Variants in RASAL2 observed in about 807,000 individuals in gnomAD.
RASAL2 encodes ras GTPase-activating protein nGAP.
In RASAL2, 58 loss-of-function variants were observed where a neutral mutation model predicts 128.9. That is an observed-to-expected ratio of 0.45 (90% CI 0.36 to 0.56). The LOEUF (loss-of-function observed/expected upper bound fraction) is 0.56. RASAL2 is among the 20% of genes least tolerant of loss of function. RASAL2 has a pLI of 0.00. For missense variants in RASAL2, 1,360 were observed against 1,601.6 expected (o/e 0.85, Z 2.57); for synonymous variants, 561 against 580.8 (o/e 0.97, Z 0.49).
At position 178,473,301 on chromosome 1, in the gene RASAL2, T is replaced by A; in HGVS notation, c.*62T>A. 3.8e-6 allele frequency: 6 copies of A among 1,579,836 alleles called. No homozygotes were observed. The highest frequency in any genetic ancestry group is 5.2e-6 in the Non-Finnish European group (6 of 1,151,756). On this transcript the variant is annotated 3_prime_UTR_variant, in exon 18 of 18. Coordinates refer to ENST00000367649, the MANE Select transcript of RASAL2 (RefSeq NM_170692.4). ...ACCCACTCTCCTATCTCCAGACCTTTACCTAGCCCCTCCAGGTTTACAGAA... is the reference window on the plus strand; with the variant it reads ...ACCCACTCTCCTATCTCCAGACCTTAACCTAGCCCCTCCAGGTTTACAGAA...
intron 3 of RASAL2, among the ~76,000 whole-genome samples, chr1:178,355,899 G>A (rs976874682): frequency 1.3e-5 from 2 of 152,164 alleles, no homozygotes; most frequent in Admixed American, 6.5e-5. Context: ...GGCCAGGCGC[G>A]GTGGCTCACG....
At chr1:178,397,129 A>G (rs1673287719) in intron 4 of RASAL2, among the ~76,000 whole-genome samples, 1 of 152,200 alleles carries the variant, frequency 6.6e-6, no homozygotes, top group Non-Finnish European at 1.5e-5. Flanking sequence ...TTTTAGGAAT[A>G]TACACAAGAA....
At chr1:178,155,111 C>T (rs2101885015) in intron 1 of RASAL2, among the ~76,000 whole-genome samples, 1 of 152,262 alleles carries the variant, frequency 6.6e-6, no homozygotes, top group East Asian at 1.9e-4. Context: ...GCGTGAGCCA[C>T]CGCGCCTGGC....
At chr1:178,232,175 G>T (rs1200709253) in intron 1 of RASAL2, among the ~76,000 whole-genome samples, 1 of 152,120 alleles carries the variant, frequency 6.6e-6, no homozygotes, top group Non-Finnish European at 1.5e-5. Context: ...TCTGAAGTCT[G>T]TGAGGCTTTC....
At position 178,150,397 on chromosome 1, in the gene RASAL2, G is replaced by C. The variant is rs553764829; in HGVS notation, c.202+55703G>C. Among the ~76,000 whole-genome samples, 4 of 152,132 alleles carry C rather than the reference G, an allele frequency of 2.6e-5. No individual in the cohort carries two copies. The South Asian group carries it at 8.3e-4, about 32-fold the overall frequency. ...GACAGGGTTTTGCCATGTTGGGCAG[G>C]CTGGTCTCAAACTCCTGACCTCAGG... On this transcript the variant is annotated intron_variant, in intron 1 of 17. Transcript: ENST00000367649.
chr1:178,359,132 T>C (rs1270145940), intron 3 of RASAL2, among the ~76,000 whole-genome samples: 1 of 152,222 alleles, frequency 6.6e-6, no homozygotes, highest in African/African-American at 2.4e-5. Context: ...GTCTCCCAAA[T>C]AATCTATACA....
intron 2 of RASAL2, among the ~76,000 whole-genome samples, chr1:178,290,859 G>T (rs1256351455): frequency 6.6e-6 from 1 of 151,894 alleles, no homozygotes; most frequent in Non-Finnish European, 1.5e-5. Flanking sequence ...TGTATTTTTA[G>T]TAGAGACAGG....
chr1:178,446,219 G>A (rs1676988680), intron 9 of RASAL2, among the ~76,000 whole-genome samples: 1 of 152,158 alleles, frequency 6.6e-6, no homozygotes, highest in Admixed American at 6.5e-5. Flanking sequence ...TTAACCGCTA[G>A]AGTAAGGTAC....
intron 1 of RASAL2, among the ~76,000 whole-genome samples, chr1:178,200,036 T>G (rs908515888): frequency 1.3e-5 from 2 of 152,204 alleles, no homozygotes; most frequent in African/African-American, 2.4e-5. Flanking sequence ...CCAGCTTCCT[T>G]GCTCCTCAGC....
intron 3 of RASAL2, among the ~76,000 whole-genome samples, chr1:178,373,107 T>C (rs2102527248): frequency 6.6e-6 from 1 of 152,066 alleles, no homozygotes; most frequent in Admixed American, 6.6e-5. Flanking sequence ...CAAAATTCAG[T>C]TGATCTTCTA....
chr1:178,186,282 A>G (rs1290808598), intron 1 of RASAL2, among the ~76,000 whole-genome samples: 1 of 148,116 alleles, frequency 6.8e-6, no homozygotes, highest in Non-Finnish European at 1.5e-5. Context: ...ATTTTCTTAT[A>G]CTGGGTAGAG....
At chr1:178,309,137 A>T (rs1214823250) in intron 3 of RASAL2, among the ~76,000 whole-genome samples, 1 of 152,172 alleles carries the variant, frequency 6.6e-6, no homozygotes, top group African/African-American at 2.4e-5. Flanking sequence ...TTATGGTGAT[A>T]TATTAATACA....
intron 1 of RASAL2, among the ~76,000 whole-genome samples, chr1:178,212,362 T>C (rs1371171390): frequency 2.0e-5 from 3 of 152,246 alleles, no homozygotes; most frequent in Admixed American, 2.0e-4. Context: ...TTCAGATTGT[T>C]GTTTTTGTGG....
Position 178,465,183 on chromosome 1 carries a change from C to T in RASAL2, c.3388-737C>T, listed in dbSNP as rs569840467. On this transcript the variant is annotated intron_variant, in intron 15 of 17. Transcript: ENST00000367649. ...AACATGTATGTTCCAGCAAGCAGTA[C>T]AAAATTGGGCAGGTGAGTCATATTA... Among the ~76,000 whole-genome samples, 3 of 152,060 alleles carry T rather than the reference C, an allele frequency of 2.0e-5. No homozygotes were observed. In the South Asian group the frequency reaches 6.2e-4, roughly 32 times the overall value.
intron 3 of RASAL2, among the ~76,000 whole-genome samples, chr1:178,387,416 C>T (rs912673309): frequency 3.3e-5 from 5 of 151,818 alleles, no homozygotes; most frequent in Admixed American, 6.6e-5. Context: ...GGTACATGTG[C>T]ACCATGTGCA....
intron 1 of RASAL2, among the ~76,000 whole-genome samples, chr1:178,216,988 T>A (rs1415864317): frequency 2.0e-5 from 3 of 151,674 alleles, no homozygotes; most frequent in Admixed American, 2.0e-4. Context: ...TTTATTTATT[T>A]TTTTGAGACG....
At chr1:178,345,563 AT>A (rs2102417429) in intron 3 of RASAL2, among the ~76,000 whole-genome samples, 1 of 152,216 alleles carries the variant, frequency 6.6e-6, no homozygotes, top group East Asian at 1.9e-4. Context: ...TATTCTTTCC[AT>A]TTTTAAGATT....
intron 1 of RASAL2, among the ~76,000 whole-genome samples, chr1:178,122,737 A>C (rs1558065745): frequency 6.6e-6 from 1 of 152,112 alleles, no homozygotes; most frequent in African/African-American, 2.4e-5. Flanking sequence ...TAGCTGGGAT[A>C]AATGTAGTTT....
At chr1:178,280,651 T>A (rs1666739929) in intron 1 of RASAL2, among the ~76,000 whole-genome samples, 1 of 152,118 alleles carries the variant, frequency 6.6e-6, no homozygotes, top group African/African-American at 2.4e-5. Context: ...TTACCTCTGA[T>A]TCTTTTTAAT....
Sources: allele counts gnomAD v4.1 joint callset (sites outside exome capture counted in the v4.1 genomes callset), GRCh38; gene constraint gnomAD v4.1.1; transcripts MANE v1.5; gene names NCBI Gene and HGNC (gene_info 2026-07-23, HGNC 2026-07-21).